ROBO1: variants seen among roughly 807,000 people sequenced by gnomAD.
ROBO1 encodes roundabout guidance receptor 1, also known as roundabout homolog 1.
ROBO1 carries 149 observed loss-of-function variants against 195.9 expected under a neutral mutation model. The observed-to-expected ratio is 0.76, with a 90% CI of 0.67 to 0.87. ROBO1 has a LOEUF of 0.87. ROBO1 is among the 40% of genes least tolerant of loss of function. The probability of loss-of-function intolerance (pLI) is 0.00; values close to 1 mark genes in which losing one functional copy is unlikely to be tolerated. For synonymous variants in ROBO1, 816 were observed against 733.2 expected (o/e 1.11, Z -1.82); for missense variants, 1,933 against 2,068.3 (o/e 0.93, Z 1.27).
chr3:79,676,370 T>C (rs1324237107), intron 1 of ROBO1, among the ~76,000 whole-genome samples: 1 of 152,040 alleles, frequency 6.6e-6, no homozygotes, highest in African/African-American at 2.4e-5. Context: ...TCTTCGTGGG[T>C]CAGGAGTCCA....
chr3:79,319,655 G>A (rs2033890126), intron 2 of ROBO1, among the ~76,000 whole-genome samples: 1 of 152,048 alleles, frequency 6.6e-6, no homozygotes, highest in South Asian at 2.1e-4. Context: ...TGGAAGTGGT[G>A]TTTTTTCATA....
chr3:79,473,510 C>A, intron 2 of ROBO1, among the ~76,000 whole-genome samples: 1 of 152,094 alleles, frequency 6.6e-6, no homozygotes, highest in East Asian at 1.9e-4. Context: ...CTCGAAAACT[C>A]GGAGAAATAA....
At chr3:78,841,674 C>T (rs1292683687) in intron 4 of ROBO1, among the ~76,000 whole-genome samples, 2 of 152,124 alleles carry the variant, frequency 1.3e-5, no homozygotes, top group Admixed American at 6.6e-5. Context: ...ATTTTCTGTA[C>T]TGCACAAAAC....
At chr3:79,709,890 T>A (rs955071475) in intron 1 of ROBO1, among the ~76,000 whole-genome samples, 7 of 152,152 alleles carry the variant, frequency 4.6e-5, no homozygotes, top group Admixed American at 1.3e-4. Flanking sequence ...AAGAATGCAT[T>A]TTTATACCAA....
At chr3:79,367,949 T>C (rs959527272) in intron 2 of ROBO1, among the ~76,000 whole-genome samples, 2 of 152,144 alleles carry the variant, frequency 1.3e-5, no homozygotes, top group African/African-American at 4.8e-5. Flanking sequence ...TTTTTTTGTT[T>C]GTTTTGTTTT....
At position 78,685,767 on chromosome 3, in the gene ROBO1, C is replaced by T; in HGVS notation, c.1321G>A (p.Ala441Thr). 6.2e-7 allele frequency: 1 copy of T among 1,608,808 alleles called. No individual in the cohort carries two copies. The change falls in exon 10 of 31, where the codon GCA becomes ACA. Residue 441 changes from alanine to threonine, a missense_variant. Ala to Thr is a moderately conservative substitution (Grantham distance 58, BLOSUM62 0). Transcript: ENST00000464233. ...TTACCATCTGTAACTTCCAAATATG[C>T]CTTTGTGATGATGCTTCCAGCAACA... ...LNVAGSIITK[A>T]YLEVTDVIAD...
rs1380901201 is a variant in ROBO1, at chr3:79,129,964, C to G, written c.89-4425G>C. Among the ~76,000 whole-genome samples the G allele has an allele frequency of 4.1e-5, 5 of 122,746 alleles. No individual in the cohort carries two copies. The East Asian group carries it at 1.2e-3, about 29-fold the overall frequency. The allele number at this position is 122,746 out of a possible 152,430, so 80.5% of individuals were successfully genotyped here. A position where few individuals can be genotyped will look rare whatever the true frequency, so the allele number is the denominator to read the frequency against. ...TCCTTTCCCCATTGCTTGTTTTTCT[C>G]AGGTTTGTCAAAGATCAGATAGTTG... On this transcript the variant is annotated intron_variant, in intron 2 of 30. Transcript: ENST00000464233.
chr3:78,787,973 G>A (rs1198387969), intron 4 of ROBO1, among the ~76,000 whole-genome samples: 7 of 122,234 alleles, frequency 5.7e-5, no homozygotes, highest in Middle Eastern at 6.7e-3. Context: ...GGAGTCTCCC[G>A]CTGTCTCCCA....
At chr3:79,236,098 T>C (rs1408858583) in intron 2 of ROBO1, among the ~76,000 whole-genome samples, 1 of 152,158 alleles carries the variant, frequency 6.6e-6, no homozygotes, top group Non-Finnish European at 1.5e-5. Context: ...ATCTCTGACA[T>C]GTTCCACGTA....
chr3:78,633,912 G>A, intron 24 of ROBO1, 23 bp downstream of exon 24: 7 of 1,499,302 alleles, frequency 4.7e-6, no homozygotes, highest in Non-Finnish European at 6.5e-6. Context: ...TAAAGGAGAA[G>A]TTCTTTGGTT....
intron 8 of ROBO1, among the ~76,000 whole-genome samples, chr3:78,690,576 A>G (rs1314645555): frequency 2.0e-5 from 3 of 152,070 alleles, no homozygotes; most frequent in Admixed American, 6.6e-5. Flanking sequence ...CTCCAGTACA[A>G]ATCCATACAG....
intron 3 of ROBO1, among the ~76,000 whole-genome samples, chr3:79,064,095 AATC>A (rs2078966192): frequency 6.6e-6 from 1 of 151,952 alleles, no homozygotes; most frequent in Admixed American, 6.6e-5. Flanking sequence ...GAAGATTTTG[AATC>A]ATCATAAAAA....
chr3:78,943,007 G>A lies in ROBO1; in HGVS notation c.173-4080C>T, dbSNP rs149895768. ...AGGCGGGCAGATCACCAGGTCAGGA[G>A]ATGGAGACCATCCTGGTTAACATGG... On this transcript the variant is annotated intron_variant, in intron 3 of 30. Coordinates refer to ENST00000464233, the MANE Select transcript of ROBO1 (RefSeq NM_002941.4). 2.0e-3 allele frequency among the ~76,000 whole-genome samples: 299 copies of A among 152,192 alleles called. 1 individual carries two copies. The highest frequency in any genetic ancestry group is 6.9e-3 in the African/African-American group (285 of 41,512).
At chr3:78,831,515 T>C (rs1366418118) in intron 4 of ROBO1, among the ~76,000 whole-genome samples, 2 of 152,202 alleles carry the variant, frequency 1.3e-5, no homozygotes, top group East Asian at 1.9e-4. Context: ...ACTAATAAAA[T>C]ACACAGCACA....
intron 2 of ROBO1, among the ~76,000 whole-genome samples, chr3:79,300,116 G>C (rs1330404888): frequency 2.0e-5 from 3 of 152,192 alleles, no homozygotes; most frequent in African/African-American, 7.2e-5. Flanking sequence ...TCCCACTTTG[G>C]CGGCACTTGA....
intron 2 of ROBO1, among the ~76,000 whole-genome samples, chr3:79,465,714 T>C (rs1393044334): frequency 6.6e-6 from 1 of 152,094 alleles, no homozygotes; most frequent in East Asian, 1.9e-4. Context: ...TTTTTTAAAA[T>C]TATTTAACTG....
At chr3:79,264,753 T>C (rs1038296229) in intron 2 of ROBO1, among the ~76,000 whole-genome samples, 3 of 151,916 alleles carry the variant, frequency 2.0e-5, no homozygotes, top group Non-Finnish European at 4.4e-5. Context: ...ATACAAGGCA[T>C]TGAATGACAT....
At chr3:78,644,567 C>A (rs1355809667) in intron 21 of ROBO1, among the ~76,000 whole-genome samples, 1 of 152,106 alleles carries the variant, frequency 6.6e-6, no homozygotes, top group Non-Finnish European at 1.5e-5. Context: ...TGAAATAAAT[C>A]AGTTTCACTG....
intron 2 of ROBO1, among the ~76,000 whole-genome samples, chr3:79,197,809 A>G (rs970161178): frequency 1.1e-4 from 17 of 151,318 alleles, no homozygotes; most frequent in African/African-American, 3.6e-4. Context: ...GCATTTTTTC[A>G]TAAGTTTGTT....
Sources: allele counts gnomAD v4.1 joint callset (sites outside exome capture counted in the v4.1 genomes callset), GRCh38; gene constraint gnomAD v4.1.1; transcripts MANE v1.5; gene names NCBI Gene and HGNC (gene_info 2026-07-23, HGNC 2026-07-21).